The following NHERF2 variants were observed in gnomAD, a reference collection of about 807,000 sequenced individuals.
NHERF2 encodes the protein Na(+)/H(+) exchange regulatory cofactor NHE-RF2.
chr16:2,030,966 G>T, the NHERF2 span, among the ~76,000 whole-genome samples: 1 of 152,122 alleles, frequency 6.6e-6, no homozygotes, highest in African/African-American at 2.4e-5. Flanking sequence ...GGAAAAGAAA[G>T]AAATCCCTTC....
At chr16:2,027,205 A>G in the NHERF2 span, 15 of 1,399,836 alleles carry the variant, frequency 1.1e-5, no homozygotes, top group East Asian at 3.1e-5. Flanking sequence ...GTGGAGGGCG[A>G]GACGCACCAC....
the NHERF2 span, among the ~76,000 whole-genome samples, chr16:2,030,230 T>G: frequency 6.6e-6 from 1 of 152,194 alleles, no homozygotes. Flanking sequence ...AGGGCCGGCC[T>G]TCTCCACAGG....
chr16:2,031,390 C>G, the NHERF2 span, among the ~76,000 whole-genome samples: 1 of 152,190 alleles, frequency 6.6e-6, no homozygotes, highest in Non-Finnish European at 1.5e-5. Flanking sequence ...CTTCCCTCCC[C>G]CAGGAGGAAG....
chr16:2,031,141 G>C, the NHERF2 span, among the ~76,000 whole-genome samples: 3 of 152,192 alleles, frequency 2.0e-5, no homozygotes, highest in South Asian at 2.1e-4. Context: ...CTGAGCCCGG[G>C]GGGAGCGGCT....
the NHERF2 span, among the ~76,000 whole-genome samples, chr16:2,027,506 C>T: frequency 6.6e-6 from 1 of 152,220 alleles, no homozygotes; most frequent in Non-Finnish European, 1.5e-5. Context: ...GGGTGTTGGG[C>T]CGCCTGGAGC....
chr16:2,037,620 C>A, the NHERF2 span: 1 of 1,610,800 alleles, frequency 6.2e-7, no homozygotes, highest in Non-Finnish European at 8.5e-7. Flanking sequence ...TTCTCCACTC[C>A]TGAGCTCACA....
chr16:2,028,314 A>G, the NHERF2 span, among the ~76,000 whole-genome samples: 32 of 152,176 alleles, frequency 2.1e-4, 1 homozygote, highest in Non-Finnish European at 1.2e-4. Context: ...TGTTTGCTGA[A>G]GAATGTGGGG....
At chr16:2,035,578 C>T in the NHERF2 span, 17 of 987,308 alleles carry the variant, frequency 1.7e-5, no homozygotes, top group African/African-American at 3.0e-4. Context: ...TGAGCACGGG[C>T]AGCCGCTGGC....
chr16:2,036,185 C>T, the NHERF2 span: 37 of 831,828 alleles, frequency 4.4e-5, no homozygotes, highest in African/African-American at 4.0e-4. Flanking sequence ...CCTGGGTGCC[C>T]GGAGTGTTTG....
the NHERF2 span, among the ~76,000 whole-genome samples, chr16:2,030,168 G>T: frequency 1.3e-5 from 2 of 152,236 alleles, no homozygotes; most frequent in Non-Finnish European, 2.9e-5. Flanking sequence ...GTCATCCGTG[G>T]CTCTGTCTTT....
chr16:2,032,649 G>C, the NHERF2 span, among the ~76,000 whole-genome samples: 2 of 152,224 alleles, frequency 1.3e-5, no homozygotes, highest in African/African-American at 4.8e-5. The surrounding 1 kb of genome is among the most constrained non-coding windows in gnomAD (Gnocchi z 4.0). Context: ...AGGTGGGCAG[G>C]GGAGGACACT....
At chr16:2,027,979 G>A in the NHERF2 span, among the ~76,000 whole-genome samples, 570 of 152,312 alleles carry the variant, frequency 3.7e-3, 3 homozygotes, top group Non-Finnish European at 6.0e-3. Flanking sequence ...GTTACTGGCC[G>A]AAGCCTCCTG....
At chr16:2,038,414 CCT>C in the NHERF2 span, 5 of 136,150 alleles carry the variant, frequency 3.7e-5, no homozygotes, top group Middle Eastern at 2.2e-3. Flanking sequence ...CCCCCCTTCC[CCT>C]CCCCCTTCCC....
chr16:2,033,199 C>T, the NHERF2 span: 1 of 1,474,892 alleles, frequency 6.8e-7, no homozygotes, highest in Non-Finnish European at 9.0e-7. Context: ...TCACCCTGCT[C>T]CCCAGAGTGA....
chr16:2,029,214 C>T, the NHERF2 span, among the ~76,000 whole-genome samples: 1 of 152,228 alleles, frequency 6.6e-6, no homozygotes, highest in Non-Finnish European at 1.5e-5. Flanking sequence ...CAGGGACAGG[C>T]AGACTGAAAA....
chr16:2,036,158 A>G, the NHERF2 span: 8 of 656,974 alleles, frequency 1.2e-5, no homozygotes, highest in Non-Finnish European at 1.8e-5. Flanking sequence ...CCACAGCTAA[A>G]GCTCTGTCAC....
chr16:2,029,540 A>C, the NHERF2 span: 1 of 1,528,582 alleles, frequency 6.5e-7, no homozygotes, highest in Non-Finnish European at 8.9e-7. Flanking sequence ...TGCTGCCCGG[A>C]ATGTGGGCCA....
chr16:2,030,696 C>G, the NHERF2 span, among the ~76,000 whole-genome samples: 1 of 149,368 alleles, frequency 6.7e-6, no homozygotes, highest in African/African-American at 2.5e-5. Context: ...CCCAACACTT[C>G]GGGAGGCTGA....
chr16:2,037,581 G>A, the NHERF2 span: 1 of 1,612,926 alleles, frequency 6.2e-7, no homozygotes, highest in Non-Finnish European at 8.5e-7. Flanking sequence ...GACCTGCCTG[G>A]TTCCGACAAG....
Sources: gnomAD v4.1 joint callset for allele counts (sites outside exome capture counted in the v4.1 genomes callset) on GRCh38, gnomAD v4.1.1 for gene constraint, Gnocchi (gnomAD v3.1) non-coding constraint, MANE v1.5 for transcripts, NCBI Gene and HGNC (gene_info 2026-07-23, HGNC 2026-07-21) for gene names.